The following CEP63 variants were observed in gnomAD, a reference collection of about 807,000 sequenced individuals.
CEP63 encodes the protein centrosomal protein of 63 kDa.
Under a neutral mutation model 89.1 loss-of-function variants are expected in CEP63, and 84 were observed. The ratio of observed to expected loss-of-function variants is 0.94; its 90% CI spans 0.79 to 1.13. The LOEUF is 1.13. Ranked by LOEUF, CEP63 falls within the 50% of genes most tolerant of loss-of-function variation. The pLI is 0.00. For missense variants in CEP63, 838 were observed against 813.3 expected (o/e 1.03, Z -0.37); for synonymous variants, 267 against 272.5 (o/e 0.98, Z 0.20).
the CEP63 span, among the ~76,000 whole-genome samples, chr3:134,687,517 C>T: frequency 6.6e-6 from 1 of 152,104 alleles, no homozygotes; most frequent in Non-Finnish European, 1.5e-5. Context: ...TCCTCACCCC[C>T]AGGGTGCCTG....
chr3:134,664,478 A>G, the CEP63 span, among the ~76,000 whole-genome samples: 1 of 152,160 alleles, frequency 6.6e-6, no homozygotes, highest in Non-Finnish European at 1.5e-5. Flanking sequence ...GGCATTTGGG[A>G]TGGGAAGAGC....
chr3:134,587,356 G>C (rs1015964640), intron 10 of CEP63, among the ~76,000 whole-genome samples: 1 of 152,092 alleles, frequency 6.6e-6, no homozygotes, highest in African/African-American at 2.4e-5. Context: ...CTTTGATGTT[G>C]GTGACCTACA....
the CEP63 span, among the ~76,000 whole-genome samples, chr3:134,595,741 ACACTGGATAC>A: frequency 1.3e-5 from 2 of 152,304 alleles, no homozygotes; most frequent in South Asian, 2.1e-4. Context: ...GCCACTGGAT[ACACTGGATAC>A]CACTGGATAC....
chr3:134,540,627 T>C (rs963139381), intron 6 of CEP63, among the ~76,000 whole-genome samples: 1 of 152,122 alleles, frequency 6.6e-6, no homozygotes, highest in African/African-American at 2.4e-5. Context: ...GCCAATCTTA[T>C]AGGTGAAAAA....
At chr3:134,763,549 C>A in the CEP63 span, among the ~76,000 whole-genome samples, 4 of 152,122 alleles carry the variant, frequency 2.6e-5, no homozygotes, top group African/African-American at 9.7e-5. Flanking sequence ...CCCCAGGCAA[C>A]CCTGCCCAGT....
chr3:134,545,481 C>A, intron 6 of CEP63, 105 bp from the exon 7 acceptor site: 1 of 837,952 alleles, frequency 1.2e-6, no homozygotes, highest in Non-Finnish European at 2.0e-6. Flanking sequence ...TTTTAGTGAG[C>A]CAATGCTTTA....
chr3:134,535,564 C>T (rs1166825781), intron 5 of CEP63: 1 of 148,678 alleles, frequency 6.7e-6, no homozygotes, highest in Non-Finnish European at 1.5e-5. Context: ...AGCTTTAACA[C>T]TGTGTATATG....
chr3:134,582,120 G>A (rs1958370405), intron 10 of CEP63, among the ~76,000 whole-genome samples: 1 of 89,930 alleles, frequency 1.1e-5, no homozygotes, highest in Admixed American at 1.4e-4. Flanking sequence ...TAATAATATA[G>A]CCTCAGGGAA....
At chr3:134,494,669 T>C (rs1439472242) in intron 1 of CEP63, among the ~76,000 whole-genome samples, 1 of 152,106 alleles carries the variant, frequency 6.6e-6, no homozygotes, top group Non-Finnish European at 1.5e-5. Flanking sequence ...AAAAATAGTA[T>C]GTAAAAAACT....
the CEP63 span, among the ~76,000 whole-genome samples, chr3:134,674,940 G>A: frequency 6.6e-6 from 1 of 152,112 alleles, no homozygotes; most frequent in African/African-American, 2.4e-5. Context: ...CTATATTCAT[G>A]GATTGAAAGA....
At chr3:134,583,977 T>G (rs973585017) in intron 10 of CEP63, among the ~76,000 whole-genome samples, 1 of 152,176 alleles carries the variant, frequency 6.6e-6, no homozygotes, top group Non-Finnish European at 1.5e-5. Flanking sequence ...TTTGGCTCTC[T>G]GTCTGTTGTT....
chr3:134,612,715 G>A, the CEP63 span, among the ~76,000 whole-genome samples: 1 of 150,052 alleles, frequency 6.7e-6, no homozygotes, highest in Non-Finnish European at 1.5e-5. Flanking sequence ...ACAACAGCAT[G>A]TCAATCTCTC....
the CEP63 span, among the ~76,000 whole-genome samples, chr3:134,746,758 C>G: frequency 6.6e-6 from 1 of 152,322 alleles, no homozygotes; most frequent in African/African-American, 2.4e-5. Context: ...CCTTTACCCA[C>G]TTTTTGATGG....
the CEP63 span, among the ~76,000 whole-genome samples, chr3:134,708,335 G>T: frequency 6.6e-6 from 1 of 152,220 alleles, no homozygotes; most frequent in African/African-American, 2.4e-5. Context: ...CAGAGACCAG[G>T]GTCCCAGGGG....
At chr3:134,504,457 G>C (rs184700952) in intron 2 of CEP63, among the ~76,000 whole-genome samples, 1 of 152,292 alleles carries the variant, frequency 6.6e-6, no homozygotes, top group East Asian at 1.9e-4. Context: ...TGAGAAATCT[G>C]CTGTTAGTCT....
At chr3:134,511,086 G>T (rs1218903077) in intron 3 of CEP63, 1 of 163,758 alleles carries the variant, frequency 6.1e-6, no homozygotes. Context: ...CTAATTTCTG[G>T]CCTTTGGTGC....
intron 14 of CEP63, 96 bp downstream of exon 14, chr3:134,559,525 C>A: frequency 9.6e-7 from 1 of 1,043,380 alleles, no homozygotes; most frequent in Non-Finnish European, 1.4e-6. Context: ...TTTTTCCTTA[C>A]TGATTCTTTT....
chr3:134,548,155 C>A (rs1310480360), intron 9 of CEP63, among the ~76,000 whole-genome samples: 1 of 152,188 alleles, frequency 6.6e-6, no homozygotes, highest in Non-Finnish European at 1.5e-5. Flanking sequence ...GAAAAACCAT[C>A]CCTTAATCCT....
At chr3:134,635,586 A>G in the CEP63 span, among the ~76,000 whole-genome samples, 1 of 151,554 alleles carries the variant, frequency 6.6e-6, no homozygotes, top group Non-Finnish European at 1.5e-5. Context: ...ATAATTTTAA[A>G]GAGGGAAATA....
Sources: gnomAD v4.1 joint callset for allele counts (sites outside exome capture counted in the v4.1 genomes callset) on GRCh38, gnomAD v4.1.1 for gene constraint, MANE v1.5 for transcripts, NCBI Gene and HGNC (gene_info 2026-07-23, HGNC 2026-07-21) for gene names.